SLC29A2: variants seen among roughly 807,000 people sequenced by gnomAD.
The protein encoded by SLC29A2 is solute carrier family 29 member 2.
SLC29A2 carries 37 observed loss-of-function variants against 48.8 expected under a neutral mutation model. The ratio of observed to expected loss-of-function variants is 0.76; its 90% CI spans 0.58 to 1.00. SLC29A2 has a LOEUF of 1.00. SLC29A2 is among the 50% of genes least tolerant of loss of function. SLC29A2 has a pLI of 0.00. For synonymous variants in SLC29A2, 233 were observed against 261.7 expected, an observed-to-expected ratio of 0.89 and a Z score of 1.06; for missense variants, 533 against 578.6, an observed-to-expected ratio of 0.92 and a Z score of 0.81.
chr11:66,364,503 CTT>C (rs10605893), intron 10 of SLC29A2, 79 bp from the exon 11 acceptor site: 208,659 of 642,288 alleles, frequency 0.32, 9,317 homozygotes, highest in African/African-American at 0.43. Context: ...CCATAGAGTA[CTT>C]TTTTTTTTTT....
rs1855508067 is a variant in SLC29A2, at chr11:66,363,830, A to C, written c.1260-283T>G. On this transcript the variant is annotated intron_variant, in intron 11 of 11. Transcript: ENST00000357440. Reference sequence around the variant, plus strand: ...GCCCTGCCAGCTTCATTCTCTCTGGATTCTCCACTCCATTGCCCCTTGAGG... The same window carrying C: ...GCCCTGCCAGCTTCATTCTCTCTGGCTTCTCCACTCCATTGCCCCTTGAGG... The C allele has an allele frequency of 7.5e-6, 4 of 533,266 alleles. No individual in the cohort carries two copies. In the Admixed American group the frequency reaches 1.3e-4, roughly 17 times the overall value. 33.0% of individuals were successfully genotyped at this position (533,266 alleles called of 1,614,324 possible). A position where few individuals can be genotyped will look rare whatever the true frequency, so the allele number is the denominator to read the frequency against.
In SLC29A2 at chr11:66,364,304, C is replaced by A; in HGVS notation, c.1180G>T (p.Ala394Ser). 6.2e-7 allele frequency: 1 copy of A among 1,614,002 alleles called. No individual in the cohort carries two copies. The highest frequency in any genetic ancestry group is 2.2e-5 in the East Asian group (1 of 44,864). Residue 394 changes from alanine to serine, a missense_variant, in exon 11 of 12, where the codon GCC becomes TCC. By Grantham distance (99) the Ala-to-Ser change is moderately conservative. Coordinates refer to ENST00000357440, the MANE Select transcript of SLC29A2 (RefSeq NM_001532.3). ...SRLPILFPQD[A>S]YFITFMLLFA... Reference sequence around the variant, plus strand: ...AGCAGCATGAAGGTGATGAAGTAGGCATCCTGTGGGAAGAGGATGGGCAGC... The same window carrying A: ...AGCAGCATGAAGGTGATGAAGTAGGAATCCTGTGGGAAGAGGATGGGCAGC...
chr11:66,370,115 C>T (rs569608707), intron 2 of SLC29A2, among the ~76,000 whole-genome samples: 122 of 152,366 alleles, frequency 8.0e-4, no homozygotes, highest in African/African-American at 2.6e-3. Context: ...TCTAAACAGG[C>T]TGATCGTCTC....
rs764486583 is a variant in SLC29A2 at position 66,371,598 on chromosome 11, C to T, written c.-7G>A. ...GGGCGTCTCCTCGCGCCATGGCCGC[C>T]GCGGCGGATGCGCCTGGGGTGAAAG... On this transcript the variant is annotated 5_prime_UTR_variant, in exon 1 of 12. Coordinates refer to ENST00000357440, the MANE Select transcript of SLC29A2 (RefSeq NM_001532.3). The T allele has an allele frequency of 2.6e-6, 4 of 1,548,642 alleles. No homozygotes were observed. The highest frequency in any genetic ancestry group is 2.6e-6 in the Non-Finnish European group (3 of 1,150,286).
At position 66,367,508 on chromosome 11, in the gene SLC29A2, GC is replaced by G. The variant is rs773115912; in HGVS notation, c.688del (p.Ala230ProfsTer27). The G allele has an allele frequency of 9.3e-6, 15 of 1,614,036 alleles. No homozygotes were observed. The highest frequency in any genetic ancestry group is 1.2e-5 in the Non-Finnish European group (14 of 1,180,028). On this transcript the variant is annotated frameshift_variant, in exon 7 of 12. Transcript: ENST00000357440. LOFTEE classifies it high-confidence loss of function. Reference sequence around the variant, plus strand: ...TTTGGTCTCCAGCTCCTGAGCTTGGGCCTGGGATGATTTATTGGCCAGGTAG... The same window carrying G: ...TTTGGTCTCCAGCTCCTGAGCTTGGGCTGGGATGATTTATTGGCCAGGTAG... ...RYYLANKSSQ[A>X]QAQELETKAE...
chr11:66,364,221 G>A lies in SLC29A2; in HGVS notation c.1259+4C>T, dbSNP rs773522801. ...GCCCCCCACCCCACCCCATTGCCCC[G>A]GACCTGGGCGCCAGGCACATGGTGA... On this transcript the variant is annotated splice_donor_region_variant and intron_variant, in intron 11 of 11. Coordinates refer to ENST00000357440, the MANE Select transcript of SLC29A2 (RefSeq NM_001532.3). 36 of 775,024 alleles carry A rather than the reference G, an allele frequency of 4.6e-5. No individual in the cohort carries two copies. Among genetic ancestry groups the A allele is most frequent in the South Asian group, 1.1e-4 (8 of 72,864 alleles). The allele number at this position is 775,024 out of a possible 1,614,324, so 48.0% of individuals were successfully genotyped here. A position where few individuals can be genotyped will look rare whatever the true frequency, so the allele number is the denominator to read the frequency against.
At chr11:66,366,063 C>G (rs1369462089) in intron 9 of SLC29A2, 42 bp from the exon 10 acceptor site, 1 of 1,609,236 alleles carries the variant, frequency 6.2e-7, no homozygotes, top group African/African-American at 1.3e-5. Context: ...TCTCCAACTC[C>G]CCTCTCCCGT....
In SLC29A2 at chr11:66,371,247, G is replaced by C; in HGVS notation, c.108C>G (p.Ile36Met). Reference protein sequence around the residue: ...LLPWNFFITAIPYFQARLAGA... With the variant: ...LLPWNFFITAMPYFQARLAGA... Reference sequence around the variant, plus strand: ...GCCACGCCGCCAGGAGTCTCACCGGGATGGCGGTGATGAAGAAGTTCCAGG... The same window carrying C: ...GCCACGCCGCCAGGAGTCTCACCGGCATGGCGGTGATGAAGAAGTTCCAGG... Residue 36 changes from isoleucine (I) to methionine (M), a missense_variant, in exon 2 of 12, where the codon ATC (isoleucine) becomes ATG (methionine). By Grantham distance (10) the Ile-to-Met change is conservative (BLOSUM62 1). Transcript: ENST00000357440. 1.2e-6 allele frequency: 2 copies of C among 1,613,288 alleles called. No individual in the cohort carries two copies. Among genetic ancestry groups the C allele is most frequent in the Non-Finnish European group, 1.7e-6 (2 of 1,179,528 alleles).
At chr11:66,365,131 T>C (rs1405844710) in intron 10 of SLC29A2, among the ~76,000 whole-genome samples, 1 of 151,782 alleles carries the variant, frequency 6.6e-6, no homozygotes, top group Non-Finnish European at 1.5e-5. Flanking sequence ...GGTCTCGAAC[T>C]CCTGACCTCG....
At position 66,366,285 on chromosome 11, in the gene SLC29A2, C is replaced by T; in HGVS notation, c.868-54G>A. 3.7e-6 allele frequency: 6 copies of T among 1,600,336 alleles called. No individual in the cohort carries two copies. The South Asian group carries it at 5.5e-5, about 15-fold the overall frequency. On this transcript the variant is annotated intron_variant, in intron 8 of 11. Coordinates refer to ENST00000357440, the MANE Select transcript of SLC29A2 (RefSeq NM_001532.3). ...GGCAGGGCAGTCCCAGGGCCCCACC[C>T]TCTTGCCCAAGCCCCATGTGGGAGC...
chr11:66,369,980 C>G (rs918347842), intron 2 of SLC29A2, among the ~76,000 whole-genome samples: 5 of 152,240 alleles, frequency 3.3e-5, no homozygotes, highest in African/African-American at 1.2e-4. Context: ...TTCATGCCTC[C>G]CTATTGCCTG....
chr11:66,368,923 T>C lies in SLC29A2; in HGVS notation c.415+137A>G. Reference sequence around the variant, plus strand: ...GGACAAGTGACTCTTCCCCTCCCTGTGGGCCTCAGTTTCTTCACCAGGGAT... The same window carrying C: ...GGACAAGTGACTCTTCCCCTCCCTGCGGGCCTCAGTTTCTTCACCAGGGAT... On this transcript the variant is annotated intron_variant, in intron 4 of 11. Coordinates refer to ENST00000357440, the MANE Select transcript of SLC29A2 (RefSeq NM_001532.3). 5 of 1,231,874 alleles carry C rather than the reference T, an allele frequency of 4.1e-6. No homozygotes were observed. The South Asian group carries it at 5.4e-5, about 13-fold the overall frequency. The allele number at this position is 1,231,874 out of a possible 1,614,324, so 76.3% of individuals were successfully genotyped here. A position where few individuals can be genotyped will look rare whatever the true frequency, so the allele number is the denominator to read the frequency against.
At chr11:66,368,402 AC>A in intron 5 of SLC29A2, 134 bp downstream of exon 5, 1 of 1,199,558 alleles carries the variant, frequency 8.3e-7, no homozygotes, top group Non-Finnish European at 1.2e-6. Flanking sequence ...CTAGCCCCAG[AC>A]CCAATCCCCA....
rs1555020302 is a variant in SLC29A2 at position 66,366,430 on chromosome 11, C to T, written c.867+1G>A. On this transcript the variant is annotated splice_donor_variant, in intron 8 of 11. Transcript: ENST00000357440. LOFTEE classifies it high-confidence loss of function. ...GGTTGGGGGCTGTATCCAAGCCAAA[C>T]CTTCTGGAAGACAGTGAAGACTGAA... 1.2e-6 allele frequency: 2 copies of T among 1,614,210 alleles called. No individual in the cohort carries two copies. The highest frequency in any genetic ancestry group is 1.7e-6 in the Non-Finnish European group (2 of 1,180,046).
At chr11:66,369,246 G>A (rs770079121) in intron 3 of SLC29A2, 47 bp from the exon 4 acceptor site, 13 of 1,583,808 alleles carry the variant, frequency 8.2e-6, no homozygotes, top group Admixed American at 1.8e-5. Context: ...AGGCCAGAGG[G>A]GGCTGGGGAA....
upstream of SLC29A2, chr11:66,372,151 C>G (rs1056372817): frequency 6.6e-6 from 1 of 152,540 alleles, no homozygotes; most frequent in Non-Finnish European, 1.5e-5. Context: ...TAGGGAGCCG[C>G]TGCGGAGTCC....
intron 2 of SLC29A2, among the ~76,000 whole-genome samples, chr11:66,369,966 C>G (rs1855937602): frequency 6.6e-6 from 1 of 152,234 alleles, no homozygotes; most frequent in South Asian, 2.1e-4. Context: ...CCTCAACACC[C>G]CGATTCATGC....
At position 66,368,612 on chromosome 11, in the gene SLC29A2, A is replaced by G. The variant is rs182128727; in HGVS notation, c.475T>C (p.Tyr159His). Reference sequence around the variant, plus strand: ...TGGCCGCTGAGGAAGAGGGTGCTGTAGGTGGAGGGCATGGTGCCCAGCTGC... The same window carrying G: ...TGGCCGCTGAGGAAGAGGGTGCTGTGGGTGGAGGGCATGGTGCCCAGCTGC... ...FGQLGTMPST[Y>H]STLFLSGQGL... Residue 159 changes from tyrosine (Y) to histidine (H), a missense_variant, in exon 5 of 12, where the codon TAC becomes CAC. By Grantham distance (83) the Tyr-to-His change is moderately conservative (BLOSUM62 2). Coordinates refer to ENST00000357440, the MANE Select transcript of SLC29A2 (RefSeq NM_001532.3). 509 of 1,607,586 alleles carry G rather than the reference A, an allele frequency of 3.2e-4. 3 individuals carry two copies. The highest frequency in any genetic ancestry group is 3.4e-5 in the Non-Finnish European group (40 of 1,177,230).
Position 66,368,527 on chromosome 11 carries a change from G to A in SLC29A2, c.550+10C>T, listed in dbSNP as rs984707991. The A allele has an allele frequency of 6.2e-7, 1 of 1,613,512 alleles. No homozygotes were observed. Among genetic ancestry groups the A allele is most frequent in the Non-Finnish European group, 8.5e-7 (1 of 1,179,980 alleles). On this transcript the variant is annotated intron_variant, in intron 5 of 11. Transcript: ENST00000357440. ...CCACCCCAGCCCTCCAGCCACCCAA[G>A]TGCACTCACTGGCCATGGACAGGAG...
Sources: allele counts gnomAD v4.1 joint callset (sites outside exome capture counted in the v4.1 genomes callset), GRCh38; gene constraint gnomAD v4.1.1; transcripts MANE v1.5; gene names NCBI Gene and HGNC (gene_info 2026-07-23, HGNC 2026-07-21).